Variants in IL5RA observed in about 807,000 individuals in gnomAD.
IL5RA encodes the protein interleukin-5 receptor subunit alpha.
Under a neutral mutation model 50.0 loss-of-function variants are expected in IL5RA, and 49 were observed. The observed-to-expected ratio is 0.98, with a 90% CI of 0.78 to 1.24. The LOEUF is 1.24. Ranked by LOEUF, IL5RA falls within the 50% of genes most tolerant of loss-of-function variation. IL5RA has a pLI of 0.00. For synonymous variants in IL5RA, 202 were observed against 174.0 expected (o/e 1.16, Z -1.26); for missense variants, 600 against 500.4 (o/e 1.20, Z -1.90).
rs929737834 is a variant in IL5RA, at chr3:3,092,811, G to C, written c.856-449C>G. ...CTTCTTTTTCCTTCTACTGATCATGGTCGCCACCATCCAGCTAGTCCCCTG... is the reference window on the plus strand; with the variant it reads ...CTTCTTTTTCCTTCTACTGATCATGCTCGCCACCATCCAGCTAGTCCCCTG... On this transcript the variant is annotated intron_variant, in intron 8 of 11. Transcript: ENST00000446632. The surrounding 1 kb of genome is among the most constrained non-coding windows in gnomAD (Gnocchi z 4.2). Among the ~76,000 whole-genome samples, 1 of 152,002 alleles carries C rather than the reference G, an allele frequency of 6.6e-6. No homozygotes were observed. Among genetic ancestry groups the C allele is most frequent in the African/African-American group, 2.4e-5 (1 of 41,370 alleles).
intron 9 of IL5RA, among the ~76,000 whole-genome samples, chr3:3,087,264 T>G (rs948535506): frequency 2.0e-5 from 3 of 152,204 alleles, no homozygotes; most frequent in African/African-American, 7.2e-5. Flanking sequence ...CTGGAAATTC[T>G]AGGACAGGAG....
At chr3:3,090,653 G>T (rs572746248) in intron 9 of IL5RA, among the ~76,000 whole-genome samples, 1 of 142,364 alleles carries the variant, frequency 7.0e-6, no homozygotes, top group Admixed American at 7.5e-5. Flanking sequence ...TGCAAGCTCC[G>T]CCTCCCGGGT....
At chr3:3,075,203 C>CTTTTTT (rs10642608) in intron 10 of IL5RA, among the ~76,000 whole-genome samples, 140 of 69,932 alleles carry the variant, frequency 2.0e-3, no homozygotes, top group South Asian at 3.6e-3. Context: ...AGTTTACTTA[C>CTTTTTT]TTTTTTTTTT....
chr3:3,079,584 A>T (rs990015272), intron 9 of IL5RA, among the ~76,000 whole-genome samples: 1 of 152,166 alleles, frequency 6.6e-6, no homozygotes, highest in African/African-American at 2.4e-5. Context: ...GAAGGTGGTC[A>T]TTCTGGGCCT....
Position 3,095,349 on chromosome 3 carries a change from A to G in IL5RA, c.805T>C (p.Cys269Arg). Residue 269 changes from cysteine (C) to arginine (R), a missense_variant, in exon 8 of 12, where the codon TGC (cysteine) becomes CGC (arginine). Cys to Arg is a radical substitution (Grantham distance 180). Coordinates refer to ENST00000446632, the MANE Select transcript of IL5RA (RefSeq NM_175726.4). ...TGTATTTTTACTTCATAATCAAAGC[A>G]ATGGATTGGAAAAGCAGACACTGGT... is the stretch of plus-strand genomic sequence containing the variant. The part of the protein sequence containing the change: ...EKPVSAFPIH[C>R]FDYEVKIHNT... 6.2e-7 allele frequency: 1 copy of G among 1,609,120 alleles called. No homozygotes were observed. Among genetic ancestry groups the G allele is most frequent in the Non-Finnish European group, 8.5e-7 (1 of 1,175,624 alleles).
rs1703267064 is a variant in IL5RA, at chr3:3,094,557, T to C, written c.855+742A>G. ...AGCTTTTGGCTATTGTGAATAATGC[T>C]GCTATGGACATGGGTGTACAAACAT... On this transcript the variant is annotated intron_variant, in intron 8 of 11. Coordinates refer to ENST00000446632, the MANE Select transcript of IL5RA (RefSeq NM_175726.4). 3.3e-5 allele frequency among the ~76,000 whole-genome samples: 5 copies of C among 152,236 alleles called. No homozygotes were observed. The South Asian group carries it at 1.0e-3, about 32-fold the overall frequency.
chr3:3,073,716 T>C (rs1236506301), intron 11 of IL5RA: 3 of 429,526 alleles, frequency 7.0e-6, no homozygotes, highest in Non-Finnish European at 1.4e-5. Context: ...AGGATGTCAC[T>C]TTTCCCCAAA....
chr3:3,107,254 T>C (rs1484525730), intron 2 of IL5RA, among the ~76,000 whole-genome samples: 3 of 151,730 alleles, frequency 2.0e-5, no homozygotes, highest in African/African-American at 7.3e-5. Context: ...ATGACATTTT[T>C]TTTTTTTTGT....
At position 3,068,447 on chromosome 3, in the gene IL5RA, C is replaced by G. The variant is rs1195739490; in HGVS notation, c.*1778G>C. ...AAAAAGAGCTGGGAATGGTGTTATG[C>G]ACCTGTAGTCCCAGCTACTTGGGAG... On this transcript the variant is annotated 3_prime_UTR_variant, in exon 12 of 12. Coordinates refer to ENST00000446632, the MANE Select transcript of IL5RA (RefSeq NM_175726.4). The G allele has an allele frequency of 6.6e-6, 1 of 151,846 alleles. No homozygotes were observed. The highest frequency in any genetic ancestry group is 1.5e-5 in the Non-Finnish European group (1 of 68,030). The allele number at this position is 151,846 out of a possible 1,614,324, so 9.4% of individuals were successfully genotyped here. A position where few individuals can be genotyped will look rare whatever the true frequency, so the allele number is the denominator to read the frequency against.
chr3:3,097,767 G>A (rs1406996003), intron 7 of IL5RA, 103 bp downstream of exon 7: 1 of 1,212,786 alleles, frequency 8.2e-7, no homozygotes, highest in Non-Finnish European at 1.1e-6. Flanking sequence ...ATGCTTACTT[G>A]GCATCAGAGA....
intron 8 of IL5RA, among the ~76,000 whole-genome samples, chr3:3,094,856 TA>T (rs1229433686): frequency 6.6e-6 from 1 of 151,916 alleles, no homozygotes; most frequent in African/African-American, 2.4e-5. Flanking sequence ...TGCCCCCGAG[TA>T]GCTGGGATTA....
intron 8 of IL5RA, among the ~76,000 whole-genome samples, chr3:3,094,660 T>C (rs1298679396): frequency 1.3e-5 from 2 of 152,210 alleles, no homozygotes. Context: ...GAATTCTATT[T>C]CTAATTTTTT....
intron 9 of IL5RA, among the ~76,000 whole-genome samples, chr3:3,089,375 C>T (rs1702998701): frequency 6.6e-6 from 1 of 152,212 alleles, no homozygotes; most frequent in African/African-American, 2.4e-5. Flanking sequence ...CTTTCCTTAT[C>T]TTTCCCAGTC....
At chr3:3,107,466 T>TTGA (rs1703982277) in intron 2 of IL5RA, among the ~76,000 whole-genome samples, 2 of 152,134 alleles carry the variant, frequency 1.3e-5, no homozygotes, top group African/African-American at 4.8e-5. Flanking sequence ...GTCAACTGGG[T>TTGA]CATATTTCAC....
intron 4 of IL5RA, 149 bp downstream of exon 4, chr3:3,102,526 T>G: frequency 1.8e-6 from 1 of 561,394 alleles, no homozygotes; most frequent in Non-Finnish European, 3.1e-6. Flanking sequence ...CTCACAGGCA[T>G]TCTTAGAGAG....
Position 3,074,761 on chromosome 3 carries a change from CA to C in IL5RA, c.1176+20del. 1 of 1,432,640 alleles carries C rather than the reference CA, an allele frequency of 7.0e-7. No individual in the cohort carries two copies. Among genetic ancestry groups the C allele is most frequent in the Non-Finnish European group, 9.9e-7 (1 of 1,014,834 alleles). 88.7% of individuals were successfully genotyped at this position (1,432,640 alleles called of 1,614,324 possible). A position where few individuals can be genotyped will look rare whatever the true frequency, so the allele number is the denominator to read the frequency against. ...TCAACCCTGGACACATACGGCATAT[CA>C]TAAGAACTTTCAACATTACCTCATA... is the stretch of plus-strand genomic sequence containing the variant. On this transcript the variant is annotated intron_variant, in intron 11 of 11. Transcript: ENST00000446632.
chr3:3,091,371 C>T (rs1013559793), intron 9 of IL5RA, among the ~76,000 whole-genome samples: 2 of 152,164 alleles, frequency 1.3e-5, no homozygotes, highest in Admixed American at 6.5e-5. Flanking sequence ...TGTATCTTGA[C>T]TGTGGTGATG....
At chr3:3,072,050 C>T (rs147992192) in intron 11 of IL5RA, among the ~76,000 whole-genome samples, 73 of 152,342 alleles carry the variant, frequency 4.8e-4, no homozygotes, top group African/African-American at 1.7e-3. Flanking sequence ...ACTAGCCAAA[C>T]ATTTCCCAGT....
chr3:3,078,617 T>G (rs1444588826), intron 9 of IL5RA, among the ~76,000 whole-genome samples: 3 of 152,148 alleles, frequency 2.0e-5, no homozygotes, highest in African/African-American at 7.2e-5. Flanking sequence ...GTGGATCACT[T>G]GAGGTCAGGA....
Sources: allele counts gnomAD v4.1 joint callset (sites outside exome capture counted in the v4.1 genomes callset), GRCh38; gene constraint gnomAD v4.1.1; non-coding constraint Gnocchi (gnomAD v3.1); transcripts MANE v1.5; gene names NCBI Gene and HGNC (gene_info 2026-07-23, HGNC 2026-07-21).